The following COL9A1 variants were observed in gnomAD, a reference collection of about 807,000 sequenced individuals.
COL9A1 encodes the protein collagen type IX alpha 1 chain, also known as collagen alpha-1(IX) chain.
Under a neutral mutation model 142.6 loss-of-function variants are expected in COL9A1, and 104 were observed. The observed-to-expected ratio is 0.73, with a 90% CI of 0.62 to 0.86. COL9A1 has a LOEUF of 0.86. Among genes scored for constraint, COL9A1 ranks in the 40% least tolerant of loss-of-function variants. The pLI is 0.00. For missense variants in COL9A1, 1,210 were observed against 1,176.6 expected (o/e 1.03, Z -0.42); for synonymous variants, 466 against 396.0 (o/e 1.18, Z -2.10).
intron 9 of COL9A1, 26 bp from the exon 10 acceptor site, chr6:70,280,900 G>T (rs750339366): frequency 2.3e-5 from 37 of 1,612,974 alleles, no homozygotes; most frequent in Non-Finnish European, 3.1e-5. Flanking sequence ...AGGGTGCGGG[G>T]GCAGGAGAGA....
In COL9A1 at chr6:70,232,616, G is replaced by A. The variant is rs34119578; in HGVS notation, c.2470C>T (p.Pro824Ser). The change falls in exon 36 of 38, where the codon CCC becomes TCC. Residue 824 changes from proline to serine, a missense_variant. Pro to Ser is a moderately conservative substitution (Grantham distance 74). Transcript: ENST00000357250. ...CCCCTCAAACCAAGAGCACCAGGGG[G>A]CCCCTTAATGCCCGGAAGGCCACGA... Reference protein sequence around the residue: ...GIRGLPGIKGPPGALGLRGPK... With the variant: ...GIRGLPGIKGSPGALGLRGPK... 3 of 1,614,018 alleles carry A rather than the reference G, an allele frequency of 1.9e-6. No homozygotes were observed. The highest frequency in any genetic ancestry group is 2.2e-5 in the East Asian group (1 of 44,878).
chr6:70,238,203 G>A (rs930462010), intron 33 of COL9A1, among the ~76,000 whole-genome samples: 16 of 152,184 alleles, frequency 1.1e-4, no homozygotes, highest in Non-Finnish European at 4.4e-5. Flanking sequence ...GGACAGAGAA[G>A]GGTTGAGGAG....
intron 28 of COL9A1, among the ~76,000 whole-genome samples, chr6:70,244,939 A>G (rs930522036): frequency 2.6e-5 from 4 of 152,232 alleles, no homozygotes; most frequent in Non-Finnish European, 5.9e-5. Context: ...TTGTGTACCC[A>G]TAAGAGTCCA....
intron 19 of COL9A1, 38 bp from the exon 20 acceptor site, chr6:70,260,748 G>A (rs1299568080): frequency 1.9e-6 from 3 of 1,604,920 alleles, no homozygotes; most frequent in Admixed American, 3.3e-5. Flanking sequence ...TATTTTAGTT[G>A]AAGCAAAGAT....
intron 10 of COL9A1, 37 bp downstream of exon 10, chr6:70,280,775 C>G: frequency 1.3e-6 from 2 of 1,598,388 alleles, no homozygotes; most frequent in Non-Finnish European, 8.5e-7. Context: ...CACCACACAC[C>G]CCAGGCTGGG....
At chr6:70,235,576 G>C (rs905977634) in intron 33 of COL9A1, among the ~76,000 whole-genome samples, 1 of 152,026 alleles carries the variant, frequency 6.6e-6, no homozygotes, top group African/African-American at 2.4e-5. Flanking sequence ...TCTCTAAGAG[G>C]AACTTAGTTT....
chr6:70,242,299 G>A, intron 29 of COL9A1: 2 of 573,148 alleles, frequency 3.5e-6, no homozygotes, highest in African/African-American at 1.9e-5. Context: ...TCAAGCCCCC[G>A]CCACCCCCGC....
At chr6:70,271,102 A>G (rs1288513282) in intron 14 of COL9A1, among the ~76,000 whole-genome samples, 1 of 152,248 alleles carries the variant, frequency 6.6e-6, no homozygotes, top group Non-Finnish European at 1.5e-5. Flanking sequence ...CAAACAAGGT[A>G]TATGATACAT....
chr6:70,241,394 A>T, intron 31 of COL9A1, 25 bp downstream of exon 31: 1 of 1,594,444 alleles, frequency 6.3e-7, no homozygotes, highest in Non-Finnish European at 8.6e-7. Context: ...ATTGCATTTT[A>T]TACCAATTAA....
intron 29 of COL9A1, chr6:70,242,297 C>T: frequency 1.7e-6 from 1 of 584,878 alleles, no homozygotes; most frequent in Middle Eastern, 4.6e-4. Flanking sequence ...AGTCAAGCCC[C>T]CGCCACCCCC....
At chr6:70,267,947 A>G (rs1331689621) in intron 17 of COL9A1, among the ~76,000 whole-genome samples, 2 of 152,196 alleles carry the variant, frequency 1.3e-5, no homozygotes, top group South Asian at 2.1e-4. Flanking sequence ...GCAGAGCTCC[A>G]TTGGTCTGGA....
At chr6:70,247,218 G>T (rs752870715) in intron 28 of COL9A1, among the ~76,000 whole-genome samples, 1 of 152,120 alleles carries the variant, frequency 6.6e-6, no homozygotes, top group Non-Finnish European at 1.5e-5. Context: ...CATCAAGCAG[G>T]CAACTTCTTT....
chr6:70,293,627 TC>T lies in COL9A1; in HGVS notation c.696+539del, dbSNP rs1214489872. On this transcript the variant is annotated intron_variant, in intron 5 of 37. Coordinates refer to ENST00000357250, the MANE Select transcript of COL9A1 (RefSeq NM_001851.6). ...TATGTCTCACCCTCCTCTCTCTCTC[TC>T]TTTCACACACACACACACACACACA... 9.4e-3 allele frequency among the ~76,000 whole-genome samples: 1,261 copies of T among 134,478 alleles called. 25 individuals are homozygous for T. The highest frequency in any genetic ancestry group is 0.034 in the African/African-American group (1,166 of 34,364). The allele number at this position is 134,478 out of a possible 152,430, so 88.2% of individuals were successfully genotyped here. A position where few individuals can be genotyped will look rare whatever the true frequency, so the allele number is the denominator to read the frequency against.
chr6:70,302,240 C>T (rs1174955662), intron 1 of COL9A1, among the ~76,000 whole-genome samples, 166 bp from the exon 2 acceptor site: 9 of 129,514 alleles, frequency 6.9e-5, no homozygotes, highest in South Asian at 4.8e-4. Context: ...GACGGAGTCT[C>T]GCTCTGTCAC....
At chr6:70,265,382 T>C (rs1276294840) in intron 18 of COL9A1, among the ~76,000 whole-genome samples, 3 of 152,014 alleles carry the variant, frequency 2.0e-5, no homozygotes, top group Admixed American at 2.0e-4. Flanking sequence ...CTGCATAGAA[T>C]ACCTCATGAA....
At chr6:70,240,607 C>G in intron 32 of COL9A1, 82 bp downstream of exon 32, 1 of 811,396 alleles carries the variant, frequency 1.2e-6, no homozygotes, top group Middle Eastern at 3.6e-4. Flanking sequence ...CAATTTTGAA[C>G]TGTGTTAGAA....
chr6:70,229,087 T>C (rs1365339712), intron 36 of COL9A1, among the ~76,000 whole-genome samples: 1 of 152,186 alleles, frequency 6.6e-6, no homozygotes, highest in Non-Finnish European at 1.5e-5. Flanking sequence ...CACCAACTTT[T>C]AATGTTGCTT....
intron 10 of COL9A1, chr6:70,280,126 A>T: frequency 3.6e-6 from 2 of 557,346 alleles, no homozygotes; most frequent in Non-Finnish European, 6.6e-6. Flanking sequence ...TTACCATATA[A>T]GTCAGCATTT....
intron 35 of COL9A1, among the ~76,000 whole-genome samples, 179 bp downstream of exon 35, chr6:70,234,360 T>C (rs979476937): frequency 3.3e-5 from 5 of 151,978 alleles, no homozygotes; most frequent in African/African-American, 9.7e-5. Flanking sequence ...CTACGGGCTG[T>C]ATACTATTGT....
Sources: allele counts gnomAD v4.1 joint callset (sites outside exome capture counted in the v4.1 genomes callset), GRCh38; gene constraint gnomAD v4.1.1; transcripts MANE v1.5; gene names NCBI Gene and HGNC (gene_info 2026-07-23, HGNC 2026-07-21).